The following PMS1 variants were observed in gnomAD, a reference collection of about 807,000 sequenced individuals.
The protein encoded by PMS1 is PMS1 homolog 1, mismatch repair system component, also known as PMS1 protein homolog 1.
Under a neutral mutation model 93.1 loss-of-function variants are expected in PMS1, and 79 were observed. The observed-to-expected ratio is 0.85, with a 90% CI of 0.71 to 1.02. PMS1 has a LOEUF of 1.02. Among genes scored for constraint, PMS1 ranks in the 50% least tolerant of loss-of-function variants. The pLI, the probability that PMS1 is intolerant of heterozygous loss-of-function variation, is 0.00. For missense variants in PMS1, 1,064 were observed against 1,085.3 expected (o/e 0.98, Z 0.28); for synonymous variants, 335 against 363.4 (o/e 0.92, Z 0.89).
chr2:189,819,503 G>A (rs1042205698), intron 5 of PMS1, among the ~76,000 whole-genome samples: 10 of 152,128 alleles, frequency 6.6e-5, no homozygotes, highest in African/African-American at 2.4e-4. Context: ...CATCAGCAGT[G>A]AGTAAATGTT....
At chr2:189,799,213 A>G (rs1026325699) in intron 3 of PMS1, among the ~76,000 whole-genome samples, 7 of 152,248 alleles carry the variant, frequency 4.6e-5, no homozygotes, top group African/African-American at 1.7e-4. Context: ...GGAAAACTAT[A>G]AAGTTTTTAA....
intron 4 of PMS1, among the ~76,000 whole-genome samples, chr2:189,816,682 C>G (rs1023862927): frequency 2.0e-4 from 30 of 152,072 alleles, no homozygotes; most frequent in Non-Finnish European, 3.5e-4. Flanking sequence ...CCTCTTGGAA[C>G]TTTAAAACTA....
intron 3 of PMS1, among the ~76,000 whole-genome samples, chr2:189,802,956 C>T (rs1457195716): frequency 6.6e-6 from 1 of 152,190 alleles, no homozygotes; most frequent in African/African-American, 2.4e-5. Flanking sequence ...CTCCCTGTTG[C>T]TAGGCTCCCC....
chr2:189,802,290 G>A (rs915596710), intron 3 of PMS1, among the ~76,000 whole-genome samples: 3 of 152,036 alleles, frequency 2.0e-5, no homozygotes, highest in African/African-American at 2.4e-5. Context: ...CCTGTTGACC[G>A]GAAGATAACA....
chr2:189,828,884 TC>T (rs1453283245), intron 5 of PMS1, among the ~76,000 whole-genome samples: 14 of 129,958 alleles, frequency 1.1e-4, no homozygotes, highest in African/African-American at 4.5e-4. Flanking sequence ...AAAGTGTGTC[TC>T]TGAAAAAAAA....
rs186095631 is a variant in PMS1, at chr2:189,806,148, T to A, written c.418+394T>A. On this transcript the variant is annotated intron_variant, in intron 4 of 12. Coordinates refer to ENST00000441310, the MANE Select transcript of PMS1 (RefSeq NM_000534.5). ...ATACCATCAAGATATGATTAAATAATTTAAAATCTATTTGTTAATTGATGG... is the reference window on the plus strand; with the variant it reads ...ATACCATCAAGATATGATTAAATAAATTAAAATCTATTTGTTAATTGATGG... 7.5e-3 allele frequency: 2,534 copies of A among 339,976 alleles called. 16 individuals are homozygous for A. The highest frequency in any genetic ancestry group is 0.01 in the Non-Finnish European group (1,899 of 188,468). 21.1% of individuals were successfully genotyped at this position (339,976 alleles called of 1,614,324 possible).
At chr2:189,792,628 C>A (rs2048966680) in intron 2 of PMS1, among the ~76,000 whole-genome samples, 1 of 146,638 alleles carries the variant, frequency 6.8e-6, no homozygotes, top group African/African-American at 2.5e-5. Flanking sequence ...AGGGACCTAA[C>A]TTTTTCTTAT....
intron 1 of PMS1, among the ~76,000 whole-genome samples, chr2:189,789,872 A>G (rs2048690537): frequency 6.6e-6 from 1 of 152,000 alleles, no homozygotes; most frequent in South Asian, 2.1e-4. Flanking sequence ...GCTTGTGCTT[A>G]TTTTCCTGTA....
At chr2:189,872,865 AT>A (rs1446561874) in intron 11 of PMS1, among the ~76,000 whole-genome samples, 1 of 151,994 alleles carries the variant, frequency 6.6e-6, no homozygotes, top group Non-Finnish European at 1.5e-5. Flanking sequence ...CAAACTCCTG[AT>A]GTTGTGATCT....
intron 5 of PMS1, among the ~76,000 whole-genome samples, chr2:189,821,498 C>A (rs1208382518): frequency 1.4e-5 from 2 of 145,228 alleles, no homozygotes; most frequent in African/African-American, 5.1e-5. Context: ...GAAGAGAAAT[C>A]TTTCGAGTTA....
At chr2:189,828,776 G>A (rs1340690911) in intron 5 of PMS1, among the ~76,000 whole-genome samples, 3 of 151,462 alleles carry the variant, frequency 2.0e-5, no homozygotes, top group African/African-American at 4.9e-5. Flanking sequence ...GCCATAAGTC[G>A]CAATGGTCAA....
chr2:189,791,998 T>G (rs2048912203), intron 2 of PMS1, 57 bp downstream of exon 2: 1 of 1,463,468 alleles, frequency 6.8e-7, no homozygotes. Flanking sequence ...TCTGGACACA[T>G]GTTTTCTCCT....
rs75968204 is a variant in PMS1, at chr2:189,842,523, C to G, written c.583-1441C>G. Among the ~76,000 whole-genome samples, 1,253 of 152,244 alleles carry G rather than the reference C, an allele frequency of 8.2e-3. 11 individuals carry two copies. Among genetic ancestry groups the G allele is most frequent in the African/African-American group, 0.028 (1,183 of 41,532 alleles). ...ATGTACTTCACAGCCAAACCTTGGTCTAGTCTCTCTGGACCATGATTGTCT... is the reference window on the plus strand; with the variant it reads ...ATGTACTTCACAGCCAAACCTTGGTGTAGTCTCTCTGGACCATGATTGTCT... On this transcript the variant is annotated intron_variant, in intron 5 of 12. Coordinates refer to ENST00000441310, the MANE Select transcript of PMS1 (RefSeq NM_000534.5).
rs759191350 is a variant in PMS1 at position 189,867,878 on chromosome 2, C to G, written c.2422C>G (p.Leu808Val). ...CCAAAGATACAGTGGATCAACTTAC[C>G]TGTCTGATCCTCGTCTTACAGCGAA... ...DDQRYSGSTY[L>V]SDPRLTANGF... Residue 808 changes from leucine to valine, a missense_variant, in exon 11 of 13, where the codon CTG becomes GTG. Physicochemically the swap from Leu to Val is conservative, Grantham distance 32 (BLOSUM62 1). Coordinates refer to ENST00000441310, the MANE Select transcript of PMS1 (RefSeq NM_000534.5). The G allele has an allele frequency of 1.9e-6, 3 of 1,597,946 alleles. No homozygotes were observed. The highest frequency in any genetic ancestry group is 2.6e-6 in the Non-Finnish European group (3 of 1,165,376).
chr2:189,832,998 C>T (rs751430966), intron 5 of PMS1, among the ~76,000 whole-genome samples: 2 of 152,162 alleles, frequency 1.3e-5, no homozygotes, highest in African/African-American at 2.4e-5. Flanking sequence ...CTCCCTCTGC[C>T]AGCTTTGTTC....
chr2:189,830,324 C>G (rs151179929), intron 5 of PMS1, among the ~76,000 whole-genome samples: 1 of 152,172 alleles, frequency 6.6e-6, no homozygotes, highest in Non-Finnish European at 1.5e-5. Flanking sequence ...GTTTCTGGAA[C>G]CTGCGAGTCA....
chr2:189,839,141 G>A (rs1452337795), intron 5 of PMS1, among the ~76,000 whole-genome samples: 4 of 151,946 alleles, frequency 2.6e-5, no homozygotes, highest in African/African-American at 7.3e-5. Context: ...ATGGGTGCCC[G>A]CCACCATGCC....
chr2:189,804,688 A>C (rs2050182376), intron 3 of PMS1, among the ~76,000 whole-genome samples: 1 of 152,096 alleles, frequency 6.6e-6, no homozygotes, highest in Non-Finnish European at 1.5e-5. Flanking sequence ...ATATAGACCC[A>C]CTTGGATTCA....
At chr2:189,864,687 AATATATATATATATATATATATATAT>A (rs1220402323) in intron 10 of PMS1, among the ~76,000 whole-genome samples, 16 of 18,254 alleles carry the variant, frequency 8.8e-4, no homozygotes, top group Admixed American at 2.3e-3. Context: ...AAAAAAAAAA[AATATATATATATATATATATATATAT>A]ATATATATAT....
Sources: gnomAD v4.1 joint callset for allele counts (sites outside exome capture counted in the v4.1 genomes callset) on GRCh38, gnomAD v4.1.1 for gene constraint, MANE v1.5 for transcripts, NCBI Gene and HGNC (gene_info 2026-07-23, HGNC 2026-07-21) for gene names.